Variants in AFDN observed in about 807,000 individuals in gnomAD.
AFDN encodes the protein afadin.
A neutral mutation model predicts 216.6 loss-of-function variants in AFDN; 68 were observed. The ratio of observed to expected loss-of-function variants is 0.31; its 90% CI spans 0.26 to 0.38. AFDN has a LOEUF of 0.38. Ranked by LOEUF, AFDN falls within the 10% of genes least tolerant of loss-of-function variation. AFDN has a pLI of 1.00. For synonymous variants in AFDN, 868 were observed against 853.7 expected (o/e 1.02, Z -0.29); for missense variants, 2,136 against 2,342.0 (o/e 0.91, Z 1.82).
At chr6:167,847,201 G>A (rs1781796066) in intron 1 of AFDN, among the ~76,000 whole-genome samples, 1 of 151,906 alleles carries the variant, frequency 6.6e-6, no homozygotes, top group Non-Finnish European at 1.5e-5. Context: ...TCCTTCACTT[G>A]GTCTTCAGGA....
At chr6:167,863,259 A>G (rs1281141921) in intron 1 of AFDN, among the ~76,000 whole-genome samples, 1 of 152,226 alleles carries the variant, frequency 6.6e-6, no homozygotes, top group Non-Finnish European at 1.5e-5. Context: ...GCAAATACTC[A>G]AAATTCAAAA....
chr6:167,914,714 A>T lies in AFDN; in HGVS notation c.2275A>T (p.Asn759Tyr), dbSNP rs1434630481. Residue 759 changes from asparagine to tyrosine, a missense_variant, in exon 18 of 34, where the codon AAC becomes TAC. This residue lies in a region of AFDN where 817 missense variants were observed against 965.7 expected (regional missense o/e 0.85). Coordinates refer to ENST00000683244, the MANE Select transcript of AFDN (RefSeq NM_001386888.1). The part of the protein sequence containing the change: ...MPAFLDDPEE[N>Y]SLQRPKIDDV... ...AGCCTTTCTAGATGACCCTGAAGAG[A>T]ACAGTCTGCAACGACCAAAAATAGG... 1 of 1,612,624 alleles carries T rather than the reference A, an allele frequency of 6.2e-7. No individual in the cohort carries two copies. The highest frequency in any genetic ancestry group is 1.7e-5 in the Admixed American group (1 of 60,010).
At chr6:167,950,579 GC>G in intron 29 of AFDN, among the ~76,000 whole-genome samples, 1 of 152,332 alleles carries the variant, frequency 6.6e-6, no homozygotes. Context: ...AGCTCTGTCA[GC>G]CCAGAAAGCC....
chr6:167,918,665 GA>G (rs1322837450), intron 20 of AFDN, 69 bp from the exon 21 acceptor site: 2 of 1,403,392 alleles, frequency 1.4e-6, no homozygotes, highest in Non-Finnish European at 2.0e-6. Context: ...GACAGCCTTT[GA>G]ATAGTTGTTG....
At chr6:167,923,059 C>G (rs1792031451) in intron 22 of AFDN, 100 bp downstream of exon 22, 2 of 793,500 alleles carry the variant, frequency 2.5e-6, no homozygotes, top group Admixed American at 5.5e-5. Context: ...GGTGTGATGG[C>G]AGAGTTTTAA....
intron 32 of AFDN, among the ~76,000 whole-genome samples, chr6:167,968,112 C>T (rs1301982888): frequency 1.3e-5 from 2 of 152,022 alleles, no homozygotes; most frequent in Non-Finnish European, 2.9e-5. Context: ...TGGAAGAAGC[C>T]AGTATCATTC....
chr6:167,924,087 G>A (rs1792180354), intron 22 of AFDN, among the ~76,000 whole-genome samples: 2 of 150,660 alleles, frequency 1.3e-5, no homozygotes, highest in Non-Finnish European at 3.0e-5. Flanking sequence ...GAGATTTCAG[G>A]TTTTGATTTA....
At chr6:167,927,184 T>C (rs1792658907) in intron 23 of AFDN, among the ~76,000 whole-genome samples, 1 of 152,130 alleles carries the variant, frequency 6.6e-6, no homozygotes, top group Non-Finnish European at 1.5e-5. Context: ...AGAAGATGAA[T>C]GGGCGTTGTA....
At chr6:167,947,288 T>G (rs900481541) in intron 27 of AFDN, among the ~76,000 whole-genome samples, 3 of 152,138 alleles carry the variant, frequency 2.0e-5, no homozygotes, top group South Asian at 4.1e-4. Flanking sequence ...CATGCCATTC[T>G]CCTGCCTTAG....
At chr6:167,964,725 A>C in intron 31 of AFDN, 1 of 1,064,972 alleles carries the variant, frequency 9.4e-7, no homozygotes, top group Non-Finnish European at 1.1e-6. Context: ...ACAACTTTTC[A>C]CTGAATGCCA....
intron 29 of AFDN, among the ~76,000 whole-genome samples, chr6:167,949,689 G>T (rs1795739751): frequency 6.6e-6 from 1 of 152,146 alleles, no homozygotes; most frequent in African/African-American, 2.4e-5. Context: ...AGTCCTTCTA[G>T]TATCTTTTGT....
intron 21 of AFDN, among the ~76,000 whole-genome samples, chr6:167,919,687 A>G (rs1791538746): frequency 6.6e-6 from 1 of 152,220 alleles, no homozygotes. Context: ...TGTCACTTTT[A>G]CTACATTTTC....
At chr6:167,963,794 G>A in intron 31 of AFDN, 1 of 1,062,650 alleles carries the variant, frequency 9.4e-7, no homozygotes, top group Non-Finnish European at 1.1e-6. Context: ...CAACATTGAT[G>A]ATCTTTCTAA....
At chr6:167,886,850 A>G (rs1261799040) in intron 6 of AFDN, among the ~76,000 whole-genome samples, 1 of 151,958 alleles carries the variant, frequency 6.6e-6, no homozygotes, top group Admixed American at 6.6e-5. Flanking sequence ...CCCTGTCTCT[A>G]CTAAAAATAC....
chr6:167,860,020 T>A (rs1034311439), intron 1 of AFDN, among the ~76,000 whole-genome samples: 105 of 152,078 alleles, frequency 6.9e-4, no homozygotes, highest in African/African-American at 2.4e-3. Context: ...CATACTGAGA[T>A]GAGCATTGTA....
At chr6:167,956,205 T>C (rs546970786) in intron 30 of AFDN, among the ~76,000 whole-genome samples, 22 of 151,660 alleles carry the variant, frequency 1.5e-4, no homozygotes, top group Non-Finnish European at 2.4e-4. Context: ...TGTGAAGATA[T>C]TAGCCCTCTC....
At position 167,947,811 on chromosome 6, in the gene AFDN, A is replaced by G. The variant is rs777269489; in HGVS notation, c.3554-42A>G. 10 of 1,315,896 alleles carry G rather than the reference A, an allele frequency of 7.6e-6. No individual in the cohort carries two copies. In the Admixed American group the frequency reaches 1.8e-4, roughly 24 times the overall value. The allele number at this position is 1,315,896 out of a possible 1,614,324, so 81.5% of individuals were successfully genotyped here. The stretch of plus-strand genomic sequence containing the variant: ...ATTTCATGTTATATATAGGTTGTTT[A>G]TTTAATATTACACTTTTTTTTTTCC... On this transcript the variant is annotated intron_variant, in intron 27 of 33. Coordinates refer to ENST00000683244, the MANE Select transcript of AFDN (RefSeq NM_001386888.1).
chr6:167,833,043 T>G (rs1235229436), intron 1 of AFDN, among the ~76,000 whole-genome samples: 1 of 152,192 alleles, frequency 6.6e-6, no homozygotes, highest in Non-Finnish European at 1.5e-5. Context: ...CTGGCACTGT[T>G]TTTTCAGTTT....
intron 8 of AFDN, 42 bp from the exon 9 acceptor site, chr6:167,893,820 A>T (rs780975775): frequency 2.7e-6 from 4 of 1,507,742 alleles, no homozygotes; most frequent in South Asian, 1.2e-5. Context: ...TCTCCTGCTG[A>T]TGCTGCCTTC....
Sources: gnomAD v4.1 joint callset for allele counts (sites outside exome capture counted in the v4.1 genomes callset) on GRCh38, gnomAD v4.1.1 for gene constraint, gnomAD v4.1.1 regional missense constraint, MANE v1.5 for transcripts, NCBI Gene and HGNC (gene_info 2026-07-23, HGNC 2026-07-21) for gene names.